PLEKHA8: variants seen among roughly 807,000 people sequenced by gnomAD.
PLEKHA8 encodes pleckstrin homology domain-containing family A member 8.
A neutral mutation model predicts 68.2 loss-of-function variants in PLEKHA8; 36 were observed. That is an observed-to-expected ratio of 0.53 (90% CI 0.40 to 0.70). The LOEUF is 0.70. PLEKHA8 is among the 30% of genes least tolerant of loss of function. PLEKHA8 has a pLI of 0.00. For synonymous variants in PLEKHA8, 211 were observed against 216.1 expected (o/e 0.98, Z 0.20); for missense variants, 505 against 615.4 (o/e 0.82, Z 1.90).
At chr7:30,109,673 C>CTTT (rs543389360) in intron 13 of PLEKHA8, among the ~76,000 whole-genome samples, 6 of 102,084 alleles carry the variant, frequency 5.9e-5, no homozygotes, top group Non-Finnish European at 1.0e-4. Context: ...TTTTCTTTTT[C>CTTT]TTTTTTTTTT....
rs1470209336 is a variant in PLEKHA8 at position 30,028,620 on chromosome 7, G to A, written c.-143G>A. On this transcript the variant is annotated 5_prime_UTR_variant, in exon 1 of 14. Coordinates refer to ENST00000449726, the MANE Select transcript of PLEKHA8 (RefSeq NM_001197026.2). ...CCGGGCCGAGGATGTGAGGCGGGCC[G>A]GGCGTCCCCACACCGGGCCCGGGCG... The A allele has an allele frequency of 1.9e-6, 1 of 530,904 alleles. No individual in the cohort carries two copies. The highest frequency in any genetic ancestry group is 2.9e-6 in the Non-Finnish European group (1 of 349,786). The allele number at this position is 530,904 out of a possible 1,614,324, so 32.9% of individuals were successfully genotyped here.
At position 30,047,854 on chromosome 7, in the gene PLEKHA8, C is replaced by T. The variant is rs368641106; in HGVS notation, c.336C>T (p.Asn112=). The T allele has an allele frequency of 5.6e-6, 9 of 1,609,874 alleles. No homozygotes were observed. Among genetic ancestry groups the T allele is most frequent in the East Asian group, 4.5e-5 (2 of 44,682 alleles). Residue 112 remains asparagine, a synonymous_variant, in exon 4 of 14, where the codon AAC becomes AAT. Transcript: ENST00000449726. ...KEKEFAENTE[N]LKTKMSELRL... is the part of the protein sequence containing the mutation. ...TAGAGTTTGCTGAAAACACTGAAAA[C>T]TTGAAAACCAAAATGTCAGAACTAA... is the stretch of plus-strand genomic sequence containing the variant.
rs993477455 is a variant in PLEKHA8, at chr7:30,028,419, C to G, written c.-344C>G. 58 of 242,776 alleles carry G rather than the reference C, an allele frequency of 2.4e-4. No individual in the cohort carries two copies. Among genetic ancestry groups the G allele is most frequent in the Non-Finnish European group, 4.0e-4 (50 of 126,500 alleles). The allele number at this position is 242,776 out of a possible 1,614,324, so 15.0% of individuals were successfully genotyped here. The stretch of plus-strand genomic sequence containing the variant: ...CGAGTCGAGGGTTCAGGTGGTGCGC[C>G]GTGGCGCCGCCTGCGACCGGCAGCT... On this transcript the variant is annotated 5_prime_UTR_variant, in exon 1 of 14. Transcript: ENST00000449726.
intron 12 of PLEKHA8, among the ~76,000 whole-genome samples, chr7:30,067,675 C>CA (rs1453316494): frequency 2.0e-5 from 3 of 152,198 alleles, no homozygotes; most frequent in Non-Finnish European, 4.4e-5. Flanking sequence ...TTTATGTGTC[C>CA]ATAAGCAGCA....
intron 12 of PLEKHA8, among the ~76,000 whole-genome samples, chr7:30,068,091 C>A (rs1278958834): frequency 2.0e-5 from 3 of 152,188 alleles, no homozygotes; most frequent in African/African-American, 7.2e-5. Flanking sequence ...AGAAGCTGTG[C>A]TGCCAGAACA....
rs77145227 is a variant in PLEKHA8, at chr7:30,127,561, A to G, written c.1363-1705A>G. Among the ~76,000 whole-genome samples the G allele has an allele frequency of 1.9e-3, 282 of 152,362 alleles. 1 individual carries two copies. The highest frequency in any genetic ancestry group is 6.6e-3 in the African/African-American group (275 of 41,586). On this transcript the variant is annotated intron_variant, in intron 13 of 13. Transcript: ENST00000396257. ...TGATCACGAAAGGAAAGCAGACGCT[A>G]GGGAAAAATTGTGAAAGACTGAAAT...
intron 1 of PLEKHA8, among the ~76,000 whole-genome samples, chr7:30,041,645 TC>T (rs910847732): frequency 6.6e-6 from 1 of 152,132 alleles, no homozygotes; most frequent in Non-Finnish European, 1.5e-5. Flanking sequence ...TTGTCCTGCC[TC>T]AGTCTCCTAA....
chr7:30,095,310 A>G (rs1026021590), downstream of PLEKHA8, among the ~76,000 whole-genome samples: 1 of 152,306 alleles, frequency 6.6e-6, no homozygotes, highest in Admixed American at 6.5e-5. Flanking sequence ...TTTTTTGGCT[A>G]CATAAATGTC....
intron 6 of PLEKHA8, 97 bp downstream of exon 6, chr7:30,050,571 T>C (rs1792327957): frequency 3.7e-6 from 5 of 1,365,238 alleles, no homozygotes; most frequent in African/African-American, 3.0e-5. Context: ...GTAATGGTTT[T>C]TCTCAGGATT....
At chr7:30,096,560 C>T (rs200836082) in intron 13 of PLEKHA8, among the ~76,000 whole-genome samples, 8 of 152,242 alleles carry the variant, frequency 5.3e-5, no homozygotes, top group South Asian at 2.1e-4. Context: ...TCCAACACTA[C>T]GTTGAATAGG....
intron 9 of PLEKHA8, among the ~76,000 whole-genome samples, chr7:30,058,084 G>T (rs1793135738): frequency 6.6e-6 from 1 of 151,760 alleles, no homozygotes; most frequent in Non-Finnish European, 1.5e-5. Flanking sequence ...ATAATTATTG[G>T]CCATCCCTAT....
At position 30,083,437 on chromosome 7, in the gene PLEKHA8, C is replaced by T; in HGVS notation, c.*4650C>T. ...ATAAATATACTGTTTACTAGACCTT[C>T]CCTGTAAATGTTCCCAATTCCCATC... On this transcript the variant is annotated 3_prime_UTR_variant, in exon 14 of 14. Coordinates refer to ENST00000449726, the MANE Select transcript of PLEKHA8 (RefSeq NM_001197026.2). The T allele has an allele frequency of 1.0e-6, 1 of 985,192 alleles. No individual in the cohort carries two copies. The highest frequency in any genetic ancestry group is 1.2e-6 in the Non-Finnish European group (1 of 829,768). 61.0% of individuals were successfully genotyped at this position (985,192 alleles called of 1,614,324 possible). A position where few individuals can be genotyped will look rare whatever the true frequency, so the allele number is the denominator to read the frequency against.
intron 1 of PLEKHA8, among the ~76,000 whole-genome samples, chr7:30,039,511 G>A (rs1330672245): frequency 6.6e-6 from 1 of 152,166 alleles, no homozygotes; most frequent in Non-Finnish European, 1.5e-5. Context: ...GTGAAACTCT[G>A]TCTCAAAGTA....
intron 1 of PLEKHA8, among the ~76,000 whole-genome samples, chr7:30,039,154 T>G (rs1791332730): frequency 6.6e-6 from 1 of 152,196 alleles, no homozygotes; most frequent in Admixed American, 6.5e-5. Context: ...TTTGGAATAG[T>G]GGTTTTTAAA....
intron 13 of PLEKHA8, chr7:30,115,990 A>G (rs1562558664): frequency 2.4e-4 from 32 of 135,784 alleles, no homozygotes; most frequent in African/African-American, 8.8e-4. Context: ...GCATGTATGC[A>G]TACGCATACA....
At position 30,082,461 on chromosome 7, in the gene PLEKHA8, CT is replaced by C. The variant is rs1794987448; in HGVS notation, c.*3676del. On this transcript the variant is annotated 3_prime_UTR_variant, in exon 14 of 14. Transcript: ENST00000449726. ...TCCCCCACCCCCCAGACTGCAAGAG[CT>C]TCTTAAGAAGGAGCCCATATTCCCA... 1.0e-6 allele frequency: 1 copy of C among 985,272 alleles called. No individual in the cohort carries two copies. The highest frequency in any genetic ancestry group is 1.2e-6 in the Non-Finnish European group (1 of 829,984). 61.0% of individuals were successfully genotyped at this position (985,272 alleles called of 1,614,324 possible). A position where few individuals can be genotyped will look rare whatever the true frequency, so the allele number is the denominator to read the frequency against.
intron 13 of PLEKHA8, among the ~76,000 whole-genome samples, chr7:30,113,560 T>A (rs1796336590): frequency 6.6e-6 from 1 of 151,934 alleles, no homozygotes; most frequent in African/African-American, 2.4e-5. Flanking sequence ...TTTTCATTTC[T>A]TATCTTTGGT....
At position 30,084,002 on chromosome 7, in the gene PLEKHA8, A is replaced by G. The variant is rs1010701597; in HGVS notation, c.*5215A>G. On this transcript the variant is annotated 3_prime_UTR_variant, in exon 14 of 14. Coordinates refer to ENST00000449726, the MANE Select transcript of PLEKHA8 (RefSeq NM_001197026.2). ...GAAGGCTATGAGCCAGTTCCATGGC[A>G]TGTTTAATGTATAATTCCCATGTAT... 2.0e-6 allele frequency: 2 copies of G among 985,336 alleles called. No homozygotes were observed. The highest frequency in any genetic ancestry group is 2.4e-6 in the Non-Finnish European group (2 of 829,934). 61.0% of individuals were successfully genotyped at this position (985,336 alleles called of 1,614,324 possible). A position where few individuals can be genotyped will look rare whatever the true frequency, so the allele number is the denominator to read the frequency against.
At chr7:30,113,987 C>T (rs1796351321) in intron 13 of PLEKHA8, among the ~76,000 whole-genome samples, 1 of 151,900 alleles carries the variant, frequency 6.6e-6, no homozygotes, top group Non-Finnish European at 1.5e-5. Context: ...CAACCTCTGC[C>T]TCCCAGGTTC....
Sources: gnomAD v4.1 joint callset for allele counts (sites outside exome capture counted in the v4.1 genomes callset) on GRCh38, gnomAD v4.1.1 for gene constraint, MANE v1.5 for transcripts, NCBI Gene and HGNC (gene_info 2026-07-23, HGNC 2026-07-21) for gene names.